Variants in ASCC1 observed in about 807,000 individuals in gnomAD.
The protein encoded by ASCC1 is activating signal cointegrator 1 complex subunit 1.
ASCC1 carries 35 observed loss-of-function variants against 46.6 expected under a neutral mutation model. The ratio of observed to expected loss-of-function variants is 0.75; its 90% confidence interval spans 0.57 to 0.99. The LOEUF (loss-of-function observed/expected upper bound fraction) is 0.99, where lower values mean the gene tolerates loss of function less well. Among genes scored for constraint, ASCC1 ranks in the 50% least tolerant of loss-of-function variants. The pLI is 0.00. For synonymous variants in ASCC1, 143 were observed against 146.6 expected, an observed-to-expected ratio of 0.98 and a Z score of 0.18; for missense variants, 376 against 428.7, an observed-to-expected ratio of 0.88 and a Z score of 1.09.
chr10:72,194,435 A>C (rs1214699449), intron 5 of ASCC1, among the ~76,000 whole-genome samples: 3 of 151,900 alleles, frequency 2.0e-5, no homozygotes, highest in African/African-American at 7.2e-5. Context: ...ACCTAAAGAA[A>C]ACTCTAGTTT....
At chr10:72,175,281 T>C in intron 5 of ASCC1, among the ~76,000 whole-genome samples, 1 of 152,332 alleles carries the variant, frequency 6.6e-6, no homozygotes, top group Admixed American at 6.5e-5. Context: ...GAAACACATA[T>C]GAAGTCTCTG....
intron 3 of ASCC1, among the ~76,000 whole-genome samples, chr10:72,204,767 G>A (rs569421160): frequency 5.9e-5 from 9 of 152,304 alleles, no homozygotes; most frequent in African/African-American, 1.9e-4. Context: ...TTGGAAGTCT[G>A]TAATTTCCAA....
chr10:72,196,557 C>T (rs1328684066), intron 5 of ASCC1, among the ~76,000 whole-genome samples: 1 of 152,082 alleles, frequency 6.6e-6, no homozygotes, highest in African/African-American at 2.4e-5. Flanking sequence ...GCTGGGATTA[C>T]AGGCATGAGC....
intron 6 of ASCC1, among the ~76,000 whole-genome samples, chr10:72,155,221 C>A (rs971702667): frequency 1.3e-5 from 2 of 152,088 alleles, no homozygotes; most frequent in South Asian, 2.1e-4. Context: ...AACTGCACTG[C>A]GTATCCTTTG....
At chr10:72,176,231 C>T (rs1271233358) in intron 5 of ASCC1, among the ~76,000 whole-genome samples, 1 of 152,200 alleles carries the variant, frequency 6.6e-6, no homozygotes, top group Non-Finnish European at 1.5e-5. Context: ...CCAACTGGTA[C>T]CTGCCTTGGT....
Position 72,119,700 on chromosome 10 carries a change from C to T in ASCC1, c.957+8382G>A, listed in dbSNP as rs566692767. ...CACGTCCAGATTCAACAAAAAATTACTACAAGACATAGTAAAAGGAAAAAA... is the reference window on the plus strand; with the variant it reads ...CACGTCCAGATTCAACAAAAAATTATTACAAGACATAGTAAAAGGAAAAAA... On this transcript the variant is annotated intron_variant, in intron 9 of 9. Transcript: ENST00000672957. Among the ~76,000 whole-genome samples the T allele has an allele frequency of 7.3e-5, 11 of 151,464 alleles. 1 individual carries two copies. In the East Asian group the frequency reaches 1.9e-3, roughly 27 times the overall value.
Position 72,096,263 on chromosome 10 carries a change from C to T in ASCC1, c.*1071G>A, listed in dbSNP as rs1364456169. On this transcript the variant is annotated 3_prime_UTR_variant, in exon 10 of 10. Coordinates refer to ENST00000672957, the MANE Select transcript of ASCC1 (RefSeq NM_001198800.3). ...GGAGGCTGGGGCTCCCCAGCATTCC[C>T]GCCTCCCTCTGCTGGTCCGTGGTGA... 2 of 453,942 alleles carry T rather than the reference C, an allele frequency of 4.4e-6. No homozygotes were observed. The highest frequency in any genetic ancestry group is 1.6e-5 in the South Asian group (1 of 64,478). The allele number at this position is 453,942 out of a possible 1,614,324, so 28.1% of individuals were successfully genotyped here. A position where few individuals can be genotyped will look rare whatever the true frequency, so the allele number is the denominator to read the frequency against.
intron 9 of ASCC1, among the ~76,000 whole-genome samples, chr10:72,098,758 C>T (rs1841387996): frequency 6.6e-6 from 1 of 152,150 alleles, no homozygotes; most frequent in Non-Finnish European, 1.5e-5. Context: ...TCAACTTGAC[C>T]CCAAAGATCT....
Position 72,203,439 on chromosome 10 carries a change from C to T in ASCC1, c.298G>A (p.Asp100Asn). 1 of 1,612,870 alleles carries T rather than the reference C, an allele frequency of 6.2e-7. No homozygotes were observed. The highest frequency in any genetic ancestry group is 1.3e-5 in the African/African-American group (1 of 75,050). Residue 100 changes from aspartate (D) to asparagine (N), a missense_variant, in exon 4 of 10, where the codon GAC becomes AAC. Asp to Asn is a conservative substitution (Grantham distance 23). Coordinates refer to ENST00000672957, the MANE Select transcript of ASCC1 (RefSeq NM_001198800.3). Reference protein sequence around the residue: ...TSISIPKPGQDGEIVITGQHR... With the variant: ...TSISIPKPGQNGEIVITGQHR... ...TACTGAGTCTCACCAATTTCCCCGT[C>T]TTGTCCAGGTTTAGGAATGCTAATA...
chr10:72,108,112 TGTCA>T (rs1330348396), intron 9 of ASCC1, among the ~76,000 whole-genome samples: 2 of 150,732 alleles, frequency 1.3e-5, no homozygotes, highest in African/African-American at 2.4e-5. Context: ...GGTCTTACTC[TGTCA>T]GCCAGGCTGG....
At chr10:72,156,510 C>T (rs549372036) in intron 6 of ASCC1, among the ~76,000 whole-genome samples, 1 of 152,272 alleles carries the variant, frequency 6.6e-6, no homozygotes, top group East Asian at 1.9e-4. Flanking sequence ...CGCCTGTAAT[C>T]CCAGAACTTC....
intron 6 of ASCC1, among the ~76,000 whole-genome samples, chr10:72,156,641 G>A (rs1043266946): frequency 5.9e-5 from 9 of 151,760 alleles, no homozygotes; most frequent in South Asian, 2.1e-4. Flanking sequence ...GCGTGGTGGC[G>A]GGCGCCTGTA....
intron 9 of ASCC1, 82 bp from the exon 10 acceptor site, chr10:72,097,532 AC>A: frequency 1.2e-6 from 1 of 829,104 alleles, no homozygotes; most frequent in Admixed American, 2.0e-5. Context: ...TTGTAAAAAC[AC>A]CAAACCACAA....
intron 2 of ASCC1, 67 bp downstream of exon 2, chr10:72,213,119 CA>C: frequency 8.7e-7 from 1 of 1,151,224 alleles, no homozygotes. Context: ...TTAAAACAAA[CA>C]AAAAATTGAT....
intron 2 of ASCC1, chr10:72,212,307 C>CT (rs1233849206): frequency 1.2e-5 from 2 of 168,214 alleles, no homozygotes; most frequent in Non-Finnish European, 2.6e-5. Flanking sequence ...GAGCAAAACT[C>CT]TGTCTCAAAA....
intron 3 of ASCC1, among the ~76,000 whole-genome samples, chr10:72,206,452 C>T (rs1237386031): frequency 6.6e-6 from 1 of 152,010 alleles, no homozygotes; most frequent in Admixed American, 6.6e-5. Context: ...TGAATAATAC[C>T]TATTTGTCAT....
Position 72,122,375 on chromosome 10 carries a change from G to A in ASCC1, c.957+5707C>T, listed in dbSNP as rs139999509. ...GCGGAGGTTGCAGTGAGCCAAAATC[G>A]TGCCACTGCACTCCAGCCTGGGCAA... On this transcript the variant is annotated intron_variant, in intron 9 of 9. Coordinates refer to ENST00000672957, the MANE Select transcript of ASCC1 (RefSeq NM_001198800.3). 6.1e-3 allele frequency among the ~76,000 whole-genome samples: 917 copies of A among 150,188 alleles called. 6 individuals carry two copies. The highest frequency in any genetic ancestry group is 0.022 in the African/African-American group (886 of 40,816).
intron 5 of ASCC1, chr10:72,180,974 CT>C (rs1337717351): frequency 2.9e-4 from 49 of 168,666 alleles, no homozygotes; most frequent in South Asian, 7.6e-4. Context: ...ATTCATTTGC[CT>C]TTTTTTTTGG....
intron 9 of ASCC1, among the ~76,000 whole-genome samples, chr10:72,127,829 G>A (rs781400420): frequency 5.3e-5 from 8 of 151,902 alleles, no homozygotes; most frequent in South Asian, 4.1e-4. Context: ...GCACTCCAGC[G>A]TGAGCAACAG....
Sources: gnomAD v4.1 joint callset for allele counts (sites outside exome capture counted in the v4.1 genomes callset) on GRCh38, gnomAD v4.1.1 for gene constraint, MANE v1.5 for transcripts, NCBI Gene and HGNC (gene_info 2026-07-23, HGNC 2026-07-21) for gene names.